The following MIIP variants were observed in gnomAD, a reference collection of about 807,000 sequenced individuals.
MIIP encodes the protein migration and invasion inhibitory protein.
Under a neutral mutation model 44.8 loss-of-function variants are expected in MIIP, and 44 were observed. The observed-to-expected ratio is 0.98, with a 90% CI of 0.77 to 1.26. MIIP has a LOEUF of 1.26. Among genes scored for constraint, MIIP ranks in the 50% most tolerant of loss-of-function variants. MIIP has a pLI of 0.00. For missense variants in MIIP, 496 were observed against 511.7 expected (o/e 0.97, Z 0.30); for synonymous variants, 225 against 218.3 (o/e 1.03, Z -0.27).
intron 8 of MIIP, 90 bp from the exon 9 acceptor site, chr1:12,031,176 G>T: frequency 6.8e-7 from 1 of 1,465,184 alleles, no homozygotes; most frequent in Middle Eastern, 2.0e-4. Context: ...CCTTCCTAAT[G>T]GGGGGCACAG....
intron 4 of MIIP, among the ~76,000 whole-genome samples, chr1:12,027,653 TG>T (rs1479936545): frequency 6.6e-6 from 1 of 152,178 alleles, no homozygotes. Context: ...CTGAGGTGTT[TG>T]GACACTTTCT....
Position 12,029,780 on chromosome 1 carries a change from G to T in MIIP, c.731G>T (p.Arg244Leu). 6.2e-7 allele frequency: 1 copy of T among 1,613,166 alleles called. No individual in the cohort carries two copies. The highest frequency in any genetic ancestry group is 8.5e-7 in the Non-Finnish European group (1 of 1,179,466). ...EEDHECVYCY[R>L]VNRRLFPVPV... is the part of the protein sequence containing the mutation. Reference sequence around the variant, plus strand: ...GGCCTCGCAGGCGTGTACTGTTACCGTGTCAACCGGCGCCTGTTCCCGGTG... The same window carrying T: ...GGCCTCGCAGGCGTGTACTGTTACCTTGTCAACCGGCGCCTGTTCCCGGTG... Residue 244 changes from arginine to leucine, a missense_variant, in exon 7 of 10, where the codon CGT becomes CTT. Coordinates refer to ENST00000235332, the MANE Select transcript of MIIP (RefSeq NM_021933.4).
Position 12,031,241 on chromosome 1 carries a change from A to G in MIIP, c.943-25A>G, listed in dbSNP as rs370622189. ...GCGGGGAGCTTGTCCCAGGTCAGGC[A>G]CTTTTAACTCCTTGCCTTCCACAGC... On this transcript the variant is annotated intron_variant, in intron 8 of 9. Transcript: ENST00000235332. The G allele has an allele frequency of 7.3e-5, 117 of 1,606,244 alleles. No homozygotes were observed. The African/African-American group carries it at 1.5e-3, about 21-fold the overall frequency.
Position 12,031,961 on chromosome 1 carries a change from G to C in MIIP, c.*153G>C. On this transcript the variant is annotated 3_prime_UTR_variant, in exon 10 of 10. Transcript: ENST00000235332. ...GTGGACCCAAGCTTGTCTGCTGCCT[G>C]AGTTCCAGAGAGGGAGGACCCTGGG... 1.4e-6 allele frequency: 1 copy of C among 692,716 alleles called. No individual in the cohort carries two copies. Among genetic ancestry groups the C allele is most frequent in the Admixed American group, 2.9e-5 (1 of 35,084 alleles). The allele number at this position is 692,716 out of a possible 1,614,324, so 42.9% of individuals were successfully genotyped here. A position where few individuals can be genotyped will look rare whatever the true frequency, so the allele number is the denominator to read the frequency against.
chr1:12,023,370 T>A (rs926464442), intron 4 of MIIP, among the ~76,000 whole-genome samples: 1 of 145,646 alleles, frequency 6.9e-6, no homozygotes, highest in African/African-American at 2.6e-5. Flanking sequence ...CACAGCCACC[T>A]TCTTTGTTTT....
intron 4 of MIIP, among the ~76,000 whole-genome samples, chr1:12,025,060 GT>G (rs1440311980): frequency 1.0e-5 from 1 of 95,586 alleles, no homozygotes; most frequent in African/African-American, 4.5e-5. Context: ...TTTTGTTGTT[GT>G]TTTTTTTGTT....
chr1:12,022,425 C>G lies in MIIP; in HGVS notation c.445C>G (p.Gln149Glu), dbSNP rs1369584366. The G allele has an allele frequency of 1.3e-6, 2 of 1,574,242 alleles. No individual in the cohort carries two copies. Among genetic ancestry groups the G allele is most frequent in the Non-Finnish European group, 1.7e-6 (2 of 1,161,412 alleles). ...GACCCCGAGGTCCATCCTGGCTCAA[C>G]AGAGCAAGCTGTCCAAGGTAACGTG... ...AQTPRSILAQ[Q>E]SKLSKPRVTF... is the part of the protein sequence containing the mutation. Residue 149 changes from glutamine to glutamate, a missense_variant, in exon 3 of 10, where the codon CAG becomes GAG. By Grantham distance (29) the Gln-to-Glu change is conservative (BLOSUM62 2). Transcript: ENST00000235332.
intron 1 of MIIP, among the ~76,000 whole-genome samples, chr1:12,020,986 T>C (rs928457834): frequency 1.3e-5 from 2 of 152,132 alleles, no homozygotes; most frequent in Non-Finnish European, 2.9e-5. Flanking sequence ...TGGCCTGTTT[T>C]TTGTTTTTTT....
chr1:12,029,952 A>G, intron 7 of MIIP, 58 bp downstream of exon 7: 1 of 1,609,084 alleles, frequency 6.2e-7, no homozygotes, highest in Non-Finnish European at 8.5e-7. Flanking sequence ...ACTGGTTTTA[A>G]GAAAAGATGG....
intron 1 of MIIP, among the ~76,000 whole-genome samples, chr1:12,020,299 T>A (rs1015634105): frequency 4.6e-5 from 7 of 152,190 alleles, no homozygotes; most frequent in Middle Eastern, 3.2e-3. Flanking sequence ...GAAGAATCCC[T>A]TTTGAAGCCT....
rs1373265176 is a variant in MIIP at position 12,022,828 on chromosome 1, C to T, written c.463-5C>T. 6 of 1,600,648 alleles carry T rather than the reference C, an allele frequency of 3.7e-6. No individual in the cohort carries two copies. The highest frequency in any genetic ancestry group is 1.3e-5 in the African/African-American group (1 of 74,572). On this transcript the variant is annotated splice_polypyrimidine_tract_variant and splice_region_variant and intron_variant, in intron 3 of 9. Coordinates refer to ENST00000235332, the MANE Select transcript of MIIP (RefSeq NM_021933.4). ...GTCCTTGTCCCTCTGTGCTTCCTTC[C>T]TCAGCCCAGGGTGACCTTCTCTGAG... is the stretch of plus-strand genomic sequence containing the variant.
Position 12,019,512 on chromosome 1 carries a change from C to CT in MIIP, c.-122dup, listed in dbSNP as rs1639921769. The CT allele has an allele frequency of 6.5e-6, 1 of 152,880 alleles. No individual in the cohort carries two copies. The highest frequency in any genetic ancestry group is 6.5e-5 in the Admixed American group (1 of 15,288). The allele number at this position is 152,880 out of a possible 1,614,324, so 9.5% of individuals were successfully genotyped here. A position where few individuals can be genotyped will look rare whatever the true frequency, so the allele number is the denominator to read the frequency against. ...GAGGCCCCTGGAACGGCTCAGGCGG[C>CT]TGCGGCTGCTACGGCGGCGCATGCT... On this transcript the variant is annotated 5_prime_UTR_variant, in exon 1 of 10. Coordinates refer to ENST00000235332, the MANE Select transcript of MIIP (RefSeq NM_021933.4).
In MIIP at chr1:12,029,097, G is replaced by A; in HGVS notation, c.612G>A (p.Glu204=). ...QPEAFFSKLQ[E]FRETNKEECI... ...AGGCCTTCTTCTCCAAGCTGCAGGA[G>A]TTTCGGGAAACCAACAAGGAGGAGT... Residue 204 remains glutamate, a synonymous_variant, in exon 5 of 10, where the codon GAG becomes GAA. Coordinates refer to ENST00000235332, the MANE Select transcript of MIIP (RefSeq NM_021933.4). 1 of 1,614,166 alleles carries A rather than the reference G, an allele frequency of 6.2e-7. No individual in the cohort carries two copies. Among genetic ancestry groups the A allele is most frequent in the African/African-American group, 1.3e-5 (1 of 75,068 alleles).
intron 3 of MIIP, 67 bp from the exon 4 acceptor site, chr1:12,022,766 G>C (rs1361639120): frequency 8.0e-7 from 1 of 1,253,808 alleles, no homozygotes; most frequent in East Asian, 2.5e-5. Context: ...TCTGTCCCTC[G>C]AATTGCGGCT....
chr1:12,031,475 C>T, intron 9 of MIIP, 72 bp downstream of exon 9: 2 of 1,572,952 alleles, frequency 1.3e-6, no homozygotes, highest in Non-Finnish European at 1.7e-6. Context: ...GGCCTGGGGA[C>T]TGCAGAGCCT....
chr1:12,028,451 G>C (rs1397921956), intron 4 of MIIP, among the ~76,000 whole-genome samples: 1 of 152,022 alleles, frequency 6.6e-6, no homozygotes, highest in African/African-American at 2.4e-5. Context: ...CCTCCTGGCT[G>C]TTCCTCAGCT....
At chr1:12,020,702 G>C (rs1639953186) in intron 1 of MIIP, among the ~76,000 whole-genome samples, 1 of 152,130 alleles carries the variant, frequency 6.6e-6, no homozygotes, top group South Asian at 2.1e-4. Context: ...TGCTGTTTTT[G>C]AGACGGAGTC....
intron 3 of MIIP, 136 bp downstream of exon 3, chr1:12,022,578 T>C (rs184269171): frequency 1.4e-4 from 108 of 797,498 alleles, no homozygotes; most frequent in Non-Finnish European, 1.9e-4. Context: ...AGTTGGGTCT[T>C]GCTCAGCCTA....
intron 9 of MIIP, 25 bp downstream of exon 9, chr1:12,031,428 C>T (rs780652978): frequency 1.2e-6 from 2 of 1,606,342 alleles, no homozygotes; most frequent in African/African-American, 2.7e-5. Context: ...GCATCCTAGC[C>T]TGGGGTGCCC....
Sources: allele counts gnomAD v4.1 joint callset (sites outside exome capture counted in the v4.1 genomes callset), GRCh38; gene constraint gnomAD v4.1.1; transcripts MANE v1.5; gene names NCBI Gene and HGNC (gene_info 2026-07-23, HGNC 2026-07-21).